CUL4B: variants seen among roughly 807,000 people sequenced by gnomAD.
CUL4B encodes the protein cullin-4B.
CUL4B carries 1 observed loss-of-function variant against 69.2 expected under a neutral mutation model. The ratio of observed to expected loss-of-function variants is 0.01; its 90% CI spans 0.01 to 0.07. CUL4B has a LOEUF of 0.07. Among genes scored for constraint, CUL4B ranks in the 10% least tolerant of loss-of-function variants. The pLI is 1.00. For missense variants in CUL4B, 328 were observed against 638.8 expected (o/e 0.51, Z 5.24); for synonymous variants, 237 against 223.2 (o/e 1.06, Z -0.55).
intron 19 of CUL4B, among the ~76,000 whole-genome samples, chrX:120,528,934 A>G (rs745313145): frequency 8.9e-6 from 1 of 111,876 alleles, no homozygotes; most frequent in African/African-American, 3.2e-5. Flanking sequence ...CTGTAAATAT[A>G]ATATAATCTT....
intron 2 of CUL4B, among the ~76,000 whole-genome samples, chrX:120,556,492 G>A (rs1382144353): frequency 1.8e-5 from 2 of 111,374 alleles, no homozygotes; most frequent in African/African-American, 3.3e-5. Context: ...GCAACCTTGT[G>A]AGACAGGTAG....
chrX:120,560,663 AG>A lies in CUL4B; in HGVS notation c.-26del. On this transcript the variant is annotated 5_prime_UTR_variant, in exon 1 of 20. An upstream open reading frame in the 5' UTR gains an earlier in-frame stop. Transcript: ENST00000371322. ...TGAAAATAGCGGGGTCAACAGGCAGAGGAGCATCAAAAACCTACGTTTATAT... is the reference window on the plus strand; with the variant it reads ...TGAAAATAGCGGGGTCAACAGGCAGAGAGCATCAAAAACCTACGTTTATAT... The A allele has an allele frequency of 8.4e-7, 1 of 1,196,803 alleles. No individual in the cohort carries two copies. Among genetic ancestry groups the A allele is most frequent in the Non-Finnish European group, 1.1e-6 (1 of 893,757 alleles).
At position 120,543,173 on chromosome X, in the gene CUL4B, G is replaced by C. The variant is rs1924105210; in HGVS notation, c.1257-140C>G. ...TCCTATCCTATGTATAAATTTATTGGTGCTCAGAGTTACTATACTTTATGC... is the reference window on the plus strand; with the variant it reads ...TCCTATCCTATGTATAAATTTATTGCTGCTCAGAGTTACTATACTTTATGC... On this transcript the variant is annotated intron_variant, in intron 8 of 19. Coordinates refer to ENST00000371322, the MANE Select transcript of CUL4B (RefSeq NM_001079872.2). 2.9e-5 allele frequency: 13 copies of C among 443,429 alleles called. No individual in the cohort carries two copies. In the South Asian group the frequency reaches 4.9e-4, roughly 17 times the overall value. 36.5% of individuals were successfully genotyped at this position (443,429 alleles called of 1,213,427 possible).
At chrX:120,528,169 G>C (rs896132221) in intron 19 of CUL4B, among the ~76,000 whole-genome samples, 8 of 110,989 alleles carry the variant, frequency 7.2e-5, no homozygotes, top group Non-Finnish European at 1.1e-4. Context: ...CACTTTGGGA[G>C]GCTAAGATGG....
intron 2 of CUL4B, among the ~76,000 whole-genome samples, chrX:120,557,000 C>T (rs1333778763): frequency 9.2e-6 from 1 of 108,917 alleles, no homozygotes; most frequent in Non-Finnish European, 1.9e-5. Context: ...CAACCTCTAC[C>T]TCCTGGGTTC....
chrX:120,574,519 A>G (rs757084583), intron 2 of CUL4B: 2 of 1,144,926 alleles, frequency 1.7e-6, no homozygotes. Context: ...ATTTAGACTT[A>G]ACTCTTGAGT....
At chrX:120,551,274 G>C (rs1317129569) in intron 2 of CUL4B, among the ~76,000 whole-genome samples, 1 of 109,820 alleles carries the variant, frequency 9.1e-6, no homozygotes, top group Non-Finnish European at 1.9e-5. Flanking sequence ...TCTTGGCTCA[G>C]TGCAACCTCT....
intron 8 of CUL4B, among the ~76,000 whole-genome samples, chrX:120,543,370 G>A (rs928546874): frequency 1.8e-5 from 2 of 110,757 alleles, no homozygotes; most frequent in African/African-American, 6.6e-5. Context: ...ACATACAGAG[G>A]CCCCTCGACT....
At chrX:120,554,154 G>A (rs1924837846) in intron 2 of CUL4B, among the ~76,000 whole-genome samples, 1 of 111,839 alleles carries the variant, frequency 8.9e-6, no homozygotes, top group Admixed American at 9.5e-5. Flanking sequence ...TACTATCATT[G>A]ATGACACATA....
chrX:120,569,171 G>A (rs948792445), downstream of CUL4B, among the ~76,000 whole-genome samples: 6 of 110,626 alleles, frequency 5.4e-5, no homozygotes, highest in Non-Finnish European at 9.5e-5. Flanking sequence ...CTTCACAAGA[G>A]GTAGAAACTG....
chrX:120,566,367 A>ATATGTATATATATATATATATATATG (rs1556253143), upstream of CUL4B, among the ~76,000 whole-genome samples: 6 of 57,140 alleles, frequency 1.1e-4, 1 homozygote, highest in African/African-American at 3.5e-4. Flanking sequence ...ATATATATAT[A>ATATGTATATATATATATATATATATG]TATATATATA....
At position 120,529,942 on chromosome X, in the gene CUL4B, G is replaced by GT. The variant is rs76254851; in HGVS notation, c.2592+159dup. Among the ~76,000 whole-genome samples, 55,365 of 104,569 alleles carry GT rather than the reference G, an allele frequency of 0.53. 11,815 individuals carry two copies. The highest frequency in any genetic ancestry group is 0.69 in the Admixed American group (6,632 of 9,613). The allele number at this position is 104,569 out of a possible 115,157, so 90.8% of individuals were successfully genotyped here. ...ACTGCTGCCCACATATGCCAACAAA[G>GT]TTTTTTTTTTTGGAAATCATATGCA... On this transcript the variant is annotated intron_variant, in intron 19 of 19. Coordinates refer to ENST00000371322, the MANE Select transcript of CUL4B (RefSeq NM_001079872.2).
At chrX:120,540,624 A>T in intron 10 of CUL4B, 62 bp from the exon 11 acceptor site, 1 of 823,037 alleles carries the variant, frequency 1.2e-6, no homozygotes, top group Non-Finnish European at 1.8e-6. Context: ...AACAATCCCC[A>T]AATCATATTT....
Position 120,526,829 on chromosome X carries a change from A to T in CUL4B, c.2620T>A (p.Ser874Thr). The T allele has an allele frequency of 8.4e-7, 1 of 1,194,155 alleles. No individual in the cohort carries two copies. Among genetic ancestry groups the T allele is most frequent in the Non-Finnish European group, 1.1e-6 (1 of 882,015 alleles). The change falls in exon 20 of 20, where the codon TCT becomes ACT. Residue 874 changes from serine (S) to threonine (T), a missense_variant. Coordinates refer to ENST00000371322, the MANE Select transcript of CUL4B (RefSeq NM_001079872.2). ...TCCATGTAGTCCCGGTCAATTAAAG[A>T]TTCTATTCTCTTCTTAAGATCAGCA... is the stretch of plus-strand genomic sequence containing the variant. ...KPADLKKRIESLIDRDYMERD... is the reference protein window; with the variant it reads ...KPADLKKRIETLIDRDYMERD...
chrX:120,537,150 A>T, intron 14 of CUL4B, 116 bp from the exon 15 acceptor site: 1 of 552,134 alleles, frequency 1.8e-6, no homozygotes, highest in Non-Finnish European at 3.1e-6. Flanking sequence ...GACCATCCTT[A>T]AAATAAAAGG....
rs142680078 is a variant in CUL4B, at chrX:120,549,492, G to A, written c.673-2253C>T. On this transcript the variant is annotated intron_variant, in intron 2 of 19. Coordinates refer to ENST00000371322, the MANE Select transcript of CUL4B (RefSeq NM_001079872.2). ...CGGGCGGTGGAGGTTGCAGTGAGCC[G>A]AGAATGTGCCATTGCATTCCAGCCC... Among the ~76,000 whole-genome samples the A allele has an allele frequency of 6.1e-3, 679 of 111,684 alleles. 4 individuals carry two copies. Among genetic ancestry groups the A allele is most frequent in the African/African-American group, 0.021 (651 of 30,720 alleles).
At chrX:120,573,176 T>A (rs1242931252) in intron 2 of CUL4B, among the ~76,000 whole-genome samples, 3 of 111,790 alleles carry the variant, frequency 2.7e-5, no homozygotes, top group Non-Finnish European at 5.6e-5. Flanking sequence ...TATATACAAA[T>A]AGGAAGCTTT....
In CUL4B at chrX:120,538,878, T is replaced by C. The variant is rs1029977015; in HGVS notation, c.1742-108A>G. On this transcript the variant is annotated intron_variant, in intron 12 of 19. Coordinates refer to ENST00000371322, the MANE Select transcript of CUL4B (RefSeq NM_001079872.2). ...ACCATTATTCCAAGTTATTTTACTT[T>C]ACACATTTTATTTAAGTTTGTTAAA... The C allele has an allele frequency of 3.4e-5, 17 of 505,365 alleles. No homozygotes were observed. In the African/African-American group the frequency reaches 3.8e-4, roughly 11 times the overall value. 41.6% of individuals were successfully genotyped at this position (505,365 alleles called of 1,213,427 possible). A position where few individuals can be genotyped will look rare whatever the true frequency, so the allele number is the denominator to read the frequency against.
rs1426065616 is a variant in CUL4B at position 120,560,894 on chromosome X, C to G, written c.-256G>C. 1.3e-6 allele frequency: 1 copy of G among 750,350 alleles called. No individual in the cohort carries two copies. The highest frequency in any genetic ancestry group is 2.4e-5 in the African/African-American group (1 of 42,482). The allele number at this position is 750,350 out of a possible 1,213,427, so 61.8% of individuals were successfully genotyped here. A position where few individuals can be genotyped will look rare whatever the true frequency, so the allele number is the denominator to read the frequency against. ...ATGAGGAGGCAGACAGGTAAACGGC[C>G]GTGCCGTCCCCCTCCCCTGCTTTTC... is the stretch of plus-strand genomic sequence containing the variant. On this transcript the variant is annotated 5_prime_UTR_variant, in exon 1 of 20. Coordinates refer to ENST00000371322, the MANE Select transcript of CUL4B (RefSeq NM_001079872.2).
Sources: allele counts gnomAD v4.1 joint callset (sites outside exome capture counted in the v4.1 genomes callset), GRCh38; gene constraint gnomAD v4.1.1; transcripts MANE v1.5; gene names NCBI Gene and HGNC (gene_info 2026-07-23, HGNC 2026-07-21).